Variants in ADAM22 observed in about 807,000 individuals in gnomAD.
ADAM22 encodes ADAM metallopeptidase domain 22.
In ADAM22, 65 loss-of-function variants were observed where a neutral mutation model predicts 144.6. That is an observed-to-expected ratio of 0.45 (90% confidence interval 0.37 to 0.55). ADAM22 has a LOEUF of 0.55. ADAM22 is among the 20% of genes least tolerant of loss of function. ADAM22 has a pLI of 0.00. For missense variants in ADAM22, 974 were observed against 1,184.9 expected (o/e 0.82, Z 2.61); for synonymous variants, 391 against 412.6 (o/e 0.95, Z 0.63).
intron 3 of ADAM22, among the ~76,000 whole-genome samples, chr7:88,031,728 T>G (rs1800305866): frequency 6.6e-6 from 1 of 152,190 alleles, no homozygotes; most frequent in Admixed American, 6.5e-5. Context: ...TGGCAGCCCC[T>G]CCCATCACAG....
chr7:88,057,924 G>T (rs1266114946), intron 3 of ADAM22, among the ~76,000 whole-genome samples: 4 of 152,136 alleles, frequency 2.6e-5, no homozygotes, highest in African/African-American at 9.7e-5. Context: ...CCTGGCTCAG[G>T]TTTAATCCAG....
intron 4 of ADAM22, among the ~76,000 whole-genome samples, chr7:88,086,840 C>G (rs1320473933): frequency 6.6e-6 from 1 of 152,126 alleles, no homozygotes; most frequent in East Asian, 1.9e-4. Context: ...CAGAAAGCTG[C>G]TAATATATGG....
chr7:88,168,100 A>C, intron 24 of ADAM22, 37 bp from the exon 25 acceptor site: 2 of 1,569,526 alleles, frequency 1.3e-6, no homozygotes, highest in Non-Finnish European at 1.7e-6. Flanking sequence ...AGGATTTTAT[A>C]CCACTGATCT....
chr7:88,114,778 G>T, intron 6 of ADAM22, 131 bp downstream of exon 6: 1 of 754,606 alleles, frequency 1.3e-6, no homozygotes, highest in Admixed American at 2.9e-5. Flanking sequence ...CATATGTACA[G>T]ATGCTCCTCA....
chr7:87,977,404 T>C lies in ADAM22; in HGVS notation c.247-932T>C, dbSNP rs115325218. 7.3e-3 allele frequency among the ~76,000 whole-genome samples: 1,110 copies of C among 152,332 alleles called. 11 individuals carry two copies. Among genetic ancestry groups the C allele is most frequent in the African/African-American group, 0.026 (1,063 of 41,580 alleles). ...AGCACTGTTGGCCTCACATACTATG[T>C]GCAGTTGCTCATGTGGCTTTTAATC... On this transcript the variant is annotated intron_variant, in intron 2 of 31. Coordinates refer to ENST00000413139, the MANE Select transcript of ADAM22 (RefSeq NM_001324418.2).
At chr7:88,000,512 A>G (rs1365071205) in intron 3 of ADAM22, among the ~76,000 whole-genome samples, 5 of 152,194 alleles carry the variant, frequency 3.3e-5, no homozygotes, top group African/African-American at 1.2e-4. Context: ...TTTGAAAAAT[A>G]AATATGAAGT....
chr7:88,087,416 G>GAC (rs369360634), intron 4 of ADAM22, among the ~76,000 whole-genome samples: 25 of 152,262 alleles, frequency 1.6e-4, no homozygotes, highest in African/African-American at 5.8e-4. Flanking sequence ...AATGGTAAAA[G>GAC]ACACACTCCA....
At chr7:88,017,122 A>C (rs1421854324) in intron 3 of ADAM22, among the ~76,000 whole-genome samples, 1 of 152,116 alleles carries the variant, frequency 6.6e-6, no homozygotes, top group Admixed American at 6.6e-5. Context: ...ACAGAGTGAG[A>C]CCCTGTCTCT....
At chr7:87,939,902 G>A (rs2131231764) in intron 2 of ADAM22, among the ~76,000 whole-genome samples, 1 of 152,206 alleles carries the variant, frequency 6.6e-6, no homozygotes, top group Admixed American at 6.5e-5. Flanking sequence ...CTTGTTAAGA[G>A]CAAGCCATTG....
intron 3 of ADAM22, among the ~76,000 whole-genome samples, chr7:88,035,959 G>A: frequency 6.6e-6 from 1 of 152,162 alleles, no homozygotes; most frequent in East Asian, 1.9e-4. Context: ...ATATGGATCT[G>A]TTTAATTTCC....
chr7:87,975,884 T>C (rs938463796), intron 2 of ADAM22, among the ~76,000 whole-genome samples: 2 of 152,180 alleles, frequency 1.3e-5, no homozygotes, highest in Non-Finnish European at 2.9e-5. Context: ...ACATCATTTC[T>C]GGTAAGCAGA....
At position 87,995,488 on chromosome 7, in the gene ADAM22, A is replaced by G. The variant is rs116013369; in HGVS notation, c.323+17076A>G. On this transcript the variant is annotated intron_variant, in intron 3 of 31. Coordinates refer to ENST00000413139, the MANE Select transcript of ADAM22 (RefSeq NM_001324418.2). Reference sequence around the variant, plus strand: ...AATAACCTGGGGAATTTTAAAAACTACTAATACCTGGGTCCCTTCCTACTC... The same window carrying G: ...AATAACCTGGGGAATTTTAAAAACTGCTAATACCTGGGTCCCTTCCTACTC... 1.0e-2 allele frequency among the ~76,000 whole-genome samples: 1,522 copies of G among 152,312 alleles called. 21 individuals are homozygous for G. Among genetic ancestry groups the G allele is most frequent in the African/African-American group, 0.033 (1,360 of 41,558 alleles).
chr7:88,190,292 T>C (rs1270581657), intron 30 of ADAM22, among the ~76,000 whole-genome samples: 1 of 152,112 alleles, frequency 6.6e-6, no homozygotes, highest in Non-Finnish European at 1.5e-5. Context: ...TCCAGCACTT[T>C]GGGAGGCCGA....
chr7:88,127,498 C>G (rs1389019564), intron 8 of ADAM22, among the ~76,000 whole-genome samples: 1 of 151,964 alleles, frequency 6.6e-6, no homozygotes, highest in African/African-American at 2.4e-5. Context: ...AAAGAAGACT[C>G]TCATCATTGG....
chr7:88,073,508 A>G (rs938410249), intron 3 of ADAM22, among the ~76,000 whole-genome samples: 11 of 152,328 alleles, frequency 7.2e-5, no homozygotes, highest in South Asian at 2.1e-4. Flanking sequence ...ATGCAATGGT[A>G]GCCTCCAAGT....
chr7:88,126,917 TGAC>T (rs1484231146), intron 8 of ADAM22, among the ~76,000 whole-genome samples: 1 of 151,888 alleles, frequency 6.6e-6, no homozygotes, highest in Non-Finnish European at 1.5e-5. Flanking sequence ...CCACATAGGG[TGAC>T]TCTGTGGTAG....
At chr7:87,973,675 G>C (rs371742863) in intron 2 of ADAM22, among the ~76,000 whole-genome samples, 43 of 152,010 alleles carry the variant, frequency 2.8e-4, no homozygotes, top group East Asian at 1.9e-3. Context: ...ATAGCAAAGA[G>C]TTGGAACCAA....
intron 2 of ADAM22, among the ~76,000 whole-genome samples, chr7:87,965,507 C>G (rs1350528253): frequency 6.6e-6 from 1 of 152,116 alleles, no homozygotes; most frequent in Non-Finnish European, 1.5e-5. Context: ...GGAGAAAAGG[C>G]CTTTATACAC....
At chr7:88,008,078 A>C (rs1423965999) in intron 3 of ADAM22, among the ~76,000 whole-genome samples, 1 of 152,210 alleles carries the variant, frequency 6.6e-6, no homozygotes, top group African/African-American at 2.4e-5. Flanking sequence ...CCCCATCAAA[A>C]AGTGGGCAAA....
Sources: allele counts gnomAD v4.1 joint callset (sites outside exome capture counted in the v4.1 genomes callset), GRCh38; gene constraint gnomAD v4.1.1; transcripts MANE v1.5; gene names NCBI Gene and HGNC (gene_info 2026-07-23, HGNC 2026-07-21).